Variants in GM2A observed in about 807,000 individuals in gnomAD.
The protein encoded by GM2A is GM2 ganglioside activator.
Under a neutral mutation model 12.9 loss-of-function variants are expected in GM2A, and 7 were observed. The observed-to-expected ratio is 0.54, with a 90% confidence interval of 0.31 to 1.02. GM2A has a LOEUF of 1.02. Ranked by LOEUF, GM2A falls within the 50% of genes least tolerant of loss-of-function variation. GM2A has a pLI of 0.05. For missense variants in GM2A, 246 were observed against 241.0 expected (o/e 1.02, Z -0.14); for synonymous variants, 101 against 96.0 (o/e 1.05, Z -0.30).
Position 151,268,716 on chromosome 5 carries a change from C to G in GM2A, c.*1265C>G. On this transcript the variant is annotated 3_prime_UTR_variant, in exon 4 of 4. Transcript: ENST00000357164. ...GTTTCAATGTTTACTCCTAGAGAAG[C>G]CAAAAATCCAGATTTGTATATGAAA... is the stretch of plus-strand genomic sequence containing the variant. The G allele has an allele frequency of 3.6e-6, 2 of 561,062 alleles. No homozygotes were observed. Among genetic ancestry groups the G allele is most frequent in the Non-Finnish European group, 4.5e-6 (2 of 445,058 alleles). 34.8% of individuals were successfully genotyped at this position (561,062 alleles called of 1,614,324 possible).
At chr5:151,253,324 G>A (rs185316713) in intron 1 of GM2A, 27 bp downstream of exon 1, 6 of 1,547,406 alleles carry the variant, frequency 3.9e-6, no homozygotes, top group Non-Finnish European at 5.4e-6. Flanking sequence ...TTAAGAGTCT[G>A]TTTGCAGCCT....
Position 151,262,013 on chromosome 5 carries a change from A to G in GM2A, c.243+2097A>G, listed in dbSNP as rs188658756. Among the ~76,000 whole-genome samples, 12 of 152,332 alleles carry G rather than the reference A, an allele frequency of 7.9e-5. No homozygotes were observed. The South Asian group carries it at 1.4e-3, about 18-fold the overall frequency. On this transcript the variant is annotated intron_variant, in intron 2 of 3. Transcript: ENST00000357164. ...TAGGTCTTTTGATACATTTTGCCAAAGTGCCTCCCAATGTTTGAATAAACC... is the reference window on the plus strand; with the variant it reads ...TAGGTCTTTTGATACATTTTGCCAAGGTGCCTCCCAATGTTTGAATAAACC...
chr5:151,269,209 C>T lies in GM2A; in HGVS notation c.*1758C>T, dbSNP rs1019291697. On this transcript the variant is annotated 3_prime_UTR_variant, in exon 4 of 4. Coordinates refer to ENST00000357164, the MANE Select transcript of GM2A (RefSeq NM_000405.5). ...CCTGAGTTCTGGGCTCATTTGAAGC[C>T]TGGAATAGCAATAAATCTTTTTAAC... is the stretch of plus-strand genomic sequence containing the variant. 1 of 985,322 alleles carries T rather than the reference C, an allele frequency of 1.0e-6. No individual in the cohort carries two copies. The highest frequency in any genetic ancestry group is 1.7e-5 in the African/African-American group (1 of 57,232). The allele number at this position is 985,322 out of a possible 1,614,324, so 61.0% of individuals were successfully genotyped here.
At chr5:151,264,698 G>A in intron 2 of GM2A, among the ~76,000 whole-genome samples, 1 of 152,164 alleles carries the variant, frequency 6.6e-6, no homozygotes, top group African/African-American at 2.4e-5. Context: ...GATGAGGCGA[G>A]GCTGGATACA....
chr5:151,267,717 T>G lies in GM2A; in HGVS notation c.*266T>G. 1.4e-6 allele frequency: 2 copies of G among 1,382,060 alleles called. No homozygotes were observed. The highest frequency in any genetic ancestry group is 1.9e-6 in the Non-Finnish European group (2 of 1,053,604). 85.6% of individuals were successfully genotyped at this position (1,382,060 alleles called of 1,614,324 possible). A position where few individuals can be genotyped will look rare whatever the true frequency, so the allele number is the denominator to read the frequency against. On this transcript the variant is annotated 3_prime_UTR_variant, in exon 4 of 4. Transcript: ENST00000357164. ...CCACGTTACTCATCCCCGTTAACAT[T>G]CTCTCTAAAGAGCCTCGTTCATTTC...
intron 3 of GM2A, 64 bp from the exon 4 acceptor site, chr5:151,267,232 G>C: frequency 6.2e-7 from 1 of 1,605,504 alleles, no homozygotes; most frequent in Non-Finnish European, 8.5e-7. Context: ...CCTAGCAGTG[G>C]CTCTAGGAGA....
intron 1 of GM2A, among the ~76,000 whole-genome samples, chr5:151,254,595 A>T (rs1753649590): frequency 6.6e-6 from 1 of 152,230 alleles, no homozygotes; most frequent in African/African-American, 2.4e-5. Flanking sequence ...TTAACTTTCC[A>T]TGAGGTTATG....
In GM2A at chr5:151,253,261, G is replaced by T. The variant is rs779239922; in HGVS notation, c.45G>T (p.Leu15Phe). Residue 15 changes from leucine (L) to phenylalanine (F), a missense_variant, in exon 1 of 4, where the codon TTG becomes TTT. Transcript: ENST00000357164. ...CTCCCCTCCTGATCGCCCTGGGCTT[G>T]CTTCTCGCGGCCCCTGCGCAAGCCC... is the stretch of plus-strand genomic sequence containing the variant. ...MQAPLLIALG[L>F]LLAAPAQAHL... 5 of 1,613,858 alleles carry T rather than the reference G, an allele frequency of 3.1e-6. No homozygotes were observed. The highest frequency in any genetic ancestry group is 3.3e-5 in the Admixed American group (2 of 60,008).
chr5:151,267,400 T>C lies in GM2A; in HGVS notation c.531T>C (p.Ser177=). 1 of 1,613,968 alleles carries C rather than the reference T, an allele frequency of 6.2e-7. No individual in the cohort carries two copies. The highest frequency in any genetic ancestry group is 8.5e-7 in the Non-Finnish European group (1 of 1,179,972). The change falls in exon 4 of 4, where the codon AGT becomes AGC. Residue 177 remains serine (S), a synonymous_variant. Transcript: ENST00000357164. ...GCATAGAGAGCGTCCTGAGCAGCAG[T>C]GGGAAGCGTCTGGGCTGCATCAAGA... ...NYRIESVLSS[S]GKRLGCIKIA...
At chr5:151,266,463 G>A (rs201979728) in intron 2 of GM2A, among the ~76,000 whole-genome samples, 1,226 of 103,072 alleles carry the variant, frequency 0.012, 1 homozygote, top group Middle Eastern at 0.022. Flanking sequence ...AAAAAAAAAA[G>A]AATTCTAAGT....
At chr5:151,260,039 G>A in intron 2 of GM2A, 123 bp downstream of exon 2, 1 of 665,052 alleles carries the variant, frequency 1.5e-6, no homozygotes. Context: ...GAATAGTACA[G>A]GACATGTAGA....
In GM2A at chr5:151,267,445, C is replaced by T; in HGVS notation, c.576C>T (p.Gly192=). 1.9e-6 allele frequency: 3 copies of T among 1,614,068 alleles called. No homozygotes were observed. The highest frequency in any genetic ancestry group is 2.5e-6 in the Non-Finnish European group (3 of 1,179,942). Residue 192 remains glycine, a synonymous_variant, in exon 4 of 4, where the codon GGC becomes GGT. Coordinates refer to ENST00000357164, the MANE Select transcript of GM2A (RefSeq NM_000405.5). ...GCIKIAASLK[G]I ...TCAAGATCGCTGCCTCTCTAAAGGG[C>T]ATATAACATGGCATCTGCCACAGCA...
intron 2 of GM2A, among the ~76,000 whole-genome samples, chr5:151,263,705 T>C (rs248466): frequency 0.75 from 113,844 of 151,952 alleles, 43,724 homozygotes; most frequent in East Asian, 1. Context: ...CCAGCAGACC[T>C]GCTTATGAGA....
At chr5:151,265,953 T>C (rs1202357055) in intron 2 of GM2A, among the ~76,000 whole-genome samples, 1 of 152,226 alleles carries the variant, frequency 6.6e-6, no homozygotes, top group Non-Finnish European at 1.5e-5. Context: ...TCTGTGGCTG[T>C]ACGGAGAAAA....
intron 1 of GM2A, among the ~76,000 whole-genome samples, chr5:151,257,796 C>G (rs1753719656): frequency 6.6e-6 from 1 of 152,244 alleles, no homozygotes; most frequent in Non-Finnish European, 1.5e-5. Context: ...TGAGTTCCCT[C>G]GGCCTGCACT....
intron 2 of GM2A, among the ~76,000 whole-genome samples, chr5:151,260,595 GT>G (rs1421204672): frequency 2.0e-5 from 3 of 152,182 alleles, no homozygotes; most frequent in African/African-American, 7.2e-5. Context: ...TCCAGCCTGG[GT>G]GACAGAGTGA....
intron 2 of GM2A, among the ~76,000 whole-genome samples, chr5:151,262,329 A>G (rs1303369388): frequency 1.3e-5 from 2 of 152,154 alleles, no homozygotes; most frequent in Admixed American, 1.3e-4. Flanking sequence ...TATTTAGAAG[A>G]TTCCTGATTT....
chr5:151,268,033 T>C lies in GM2A; in HGVS notation c.*582T>C. On this transcript the variant is annotated 3_prime_UTR_variant, in exon 4 of 4. Transcript: ENST00000357164. ...GTAGGGTGTGTGGGGGAGGAATCCCTTGGGGGAGATATTAGGAGTGCTCTG... is the reference window on the plus strand; with the variant it reads ...GTAGGGTGTGTGGGGGAGGAATCCCCTGGGGGAGATATTAGGAGTGCTCTG... 9.6e-7 allele frequency: 1 copy of C among 1,040,602 alleles called. No homozygotes were observed. Among genetic ancestry groups the C allele is most frequent in the Non-Finnish European group, 1.2e-6 (1 of 863,174 alleles). 64.5% of individuals were successfully genotyped at this position (1,040,602 alleles called of 1,614,324 possible).
intron 1 of GM2A, among the ~76,000 whole-genome samples, chr5:151,254,544 AG>A (rs762783861): frequency 1.4e-4 from 22 of 152,210 alleles, no homozygotes; most frequent in Non-Finnish European, 3.2e-4. Context: ...ATTGCACACC[AG>A]GGTGACTATC....
Sources: allele counts gnomAD v4.1 joint callset (sites outside exome capture counted in the v4.1 genomes callset), GRCh38; gene constraint gnomAD v4.1.1; transcripts MANE v1.5; gene names NCBI Gene and HGNC (gene_info 2026-07-23, HGNC 2026-07-21).